Variants in CADM2 observed in about 807,000 individuals in gnomAD.
CADM2 encodes the protein immunoglobulin superfamily member 4D.
CADM2 carries 12 observed loss-of-function variants against 49.8 expected under a neutral mutation model. That is an observed-to-expected ratio of 0.24 (90% CI 0.15 to 0.39). The LOEUF (loss-of-function observed/expected upper bound fraction) is 0.39. CADM2 is among the 10% of genes least tolerant of loss of function. The pLI, the probability that CADM2 is intolerant of heterozygous loss-of-function variation, is 1.00. For missense variants in CADM2, 378 were observed against 492.3 expected (o/e 0.77, Z 2.20); for synonymous variants, 214 against 175.4 (o/e 1.22, Z -1.74).
intron 1 of CADM2, among the ~76,000 whole-genome samples, chr3:85,590,479 T>G (rs1233521867): frequency 2.0e-5 from 3 of 151,962 alleles, no homozygotes; most frequent in Non-Finnish European, 2.9e-5. Flanking sequence ...ATGTGGCATG[T>G]TAGAGTGTTT....
chr3:85,161,737 G>C (rs1576015096), intron 1 of CADM2, among the ~76,000 whole-genome samples: 1 of 152,228 alleles, frequency 6.6e-6, no homozygotes, highest in Admixed American at 6.5e-5. Flanking sequence ...AAATTTCAAG[G>C]CTGGGTGCGG....
chr3:85,818,289 A>G (rs1236197130), intron 3 of CADM2, among the ~76,000 whole-genome samples: 1 of 152,166 alleles, frequency 6.6e-6, no homozygotes, highest in East Asian at 1.9e-4. Context: ...TGACTCTGTT[A>G]CTTTTCATGT....
intron 8 of CADM2, 40 bp from the exon 9 acceptor site, chr3:86,065,565 T>C: frequency 6.3e-7 from 1 of 1,581,738 alleles, no homozygotes. Flanking sequence ...TGTGACTAAA[T>C]AACACATTAA....
At chr3:85,090,693 G>A (rs1288231173) in intron 1 of CADM2, among the ~76,000 whole-genome samples, 2 of 152,038 alleles carry the variant, frequency 1.3e-5, no homozygotes, top group African/African-American at 4.8e-5. Context: ...GGTGAGTGGC[G>A]GGCCAGTGAG....
chr3:85,291,012 C>G (rs1479778738), intron 1 of CADM2, among the ~76,000 whole-genome samples: 1 of 152,058 alleles, frequency 6.6e-6, no homozygotes, highest in Non-Finnish European at 1.5e-5. Context: ...GACATTCAAA[C>G]CAAAGGCAAA....
chr3:85,193,358 TA>T (rs1038220719), intron 1 of CADM2, among the ~76,000 whole-genome samples: 3 of 85,328 alleles, frequency 3.5e-5, no homozygotes, highest in African/African-American at 1.4e-4. Context: ...AAAATCTATC[TA>T]AAAAATCTTA....
chr3:85,810,532 G>GTTTTT (rs71112120), intron 3 of CADM2, among the ~76,000 whole-genome samples: 28 of 87,184 alleles, frequency 3.2e-4, no homozygotes, highest in Admixed American at 4.8e-4. Flanking sequence ...ATAGAATTCT[G>GTTTTT]TTTTTTTTTT....
intron 2 of CADM2, among the ~76,000 whole-genome samples, chr3:85,728,462 T>C (rs1266059280): frequency 1.3e-5 from 2 of 152,136 alleles, no homozygotes; most frequent in Non-Finnish European, 2.9e-5. Context: ...AAGATATATA[T>C]TATGTAGAGA....
At chr3:85,819,806 G>A (rs2073442185) in intron 3 of CADM2, among the ~76,000 whole-genome samples, 1 of 152,032 alleles carries the variant, frequency 6.6e-6, no homozygotes. Flanking sequence ...AGATTTATCA[G>A]AGGACAAAAC....
chr3:85,239,079 A>G (rs959296621), intron 1 of CADM2, among the ~76,000 whole-genome samples: 8 of 151,842 alleles, frequency 5.3e-5, no homozygotes, highest in Non-Finnish European at 8.8e-5. Context: ...ATGCTGAATC[A>G]TGCATAGATA....
intron 1 of CADM2, among the ~76,000 whole-genome samples, chr3:85,160,721 A>T (rs1209711194): frequency 1.3e-5 from 2 of 152,202 alleles, no homozygotes; most frequent in East Asian, 3.8e-4. Context: ...TTATAAATTA[A>T]CTCTCAAAGA....
At chr3:85,851,688 A>G (rs2075115358) in intron 3 of CADM2, among the ~76,000 whole-genome samples, 1 of 150,486 alleles carries the variant, frequency 6.6e-6, no homozygotes. Context: ...ATTACATTTA[A>G]CTGAGACCAG....
intron 1 of CADM2, among the ~76,000 whole-genome samples, chr3:85,011,863 C>A (rs1576028987): frequency 6.6e-6 from 1 of 151,800 alleles, no homozygotes; most frequent in African/African-American, 2.4e-5. Context: ...CAAAGAAAGA[C>A]CCTGTCTCAA....
At chr3:84,984,567 C>G (rs2032433484) in intron 1 of CADM2, among the ~76,000 whole-genome samples, 1 of 151,414 alleles carries the variant, frequency 6.6e-6, no homozygotes, top group South Asian at 2.1e-4. Flanking sequence ...TGCCTCTCAC[C>G]CTCCACAGTC....
chr3:85,954,661 C>A (rs1298014777), intron 7 of CADM2, among the ~76,000 whole-genome samples: 1 of 151,184 alleles, frequency 6.6e-6, no homozygotes, highest in Non-Finnish European at 1.5e-5. Context: ...AATGCCTAAG[C>A]TAAAGTTTGT....
intron 1 of CADM2, among the ~76,000 whole-genome samples, chr3:85,338,905 A>G (rs1423174156): frequency 1.3e-5 from 2 of 151,536 alleles, no homozygotes; most frequent in African/African-American, 4.8e-5. Flanking sequence ...TGAACCAGAA[A>G]GTTAGCAAAA....
intron 2 of CADM2, among the ~76,000 whole-genome samples, chr3:85,767,786 A>G (rs567539214): frequency 9.2e-5 from 14 of 152,310 alleles, no homozygotes; most frequent in Middle Eastern, 6.8e-3. Context: ...AATATGATGC[A>G]CATACCTCCA....
intron 3 of CADM2, among the ~76,000 whole-genome samples, chr3:85,872,111 C>T (rs2075953822): frequency 6.6e-6 from 1 of 152,214 alleles, no homozygotes; most frequent in African/African-American, 2.4e-5. Flanking sequence ...GGTTGTTGGG[C>T]TGCCTATGTG....
intron 1 of CADM2, among the ~76,000 whole-genome samples, chr3:85,149,829 A>G (rs889463417): frequency 6.6e-6 from 1 of 152,244 alleles, no homozygotes; most frequent in African/African-American, 2.4e-5. Context: ...GCATAAAATT[A>G]TTTACAATAA....
Sources: allele counts gnomAD v4.1 joint callset (sites outside exome capture counted in the v4.1 genomes callset), GRCh38; gene constraint gnomAD v4.1.1; transcripts MANE v1.5; gene names NCBI Gene and HGNC (gene_info 2026-07-23, HGNC 2026-07-21).